Variants in SLC22A15 observed in about 807,000 individuals in gnomAD.
SLC22A15 encodes the protein solute carrier family 22 member 15.
SLC22A15 carries 45 observed loss-of-function variants against 62.7 expected under a neutral mutation model. That is an observed-to-expected ratio of 0.72 (90% confidence interval 0.56 to 0.92). SLC22A15 has a LOEUF of 0.92. Ranked by LOEUF, SLC22A15 falls within the 40% of genes least tolerant of loss-of-function variation. The probability of loss-of-function intolerance (pLI) is 0.00; values close to 1 mark genes in which losing one functional copy is unlikely to be tolerated. For synonymous variants in SLC22A15, 264 were observed against 267.0 expected, an observed-to-expected ratio of 0.99 and a Z score of 0.11; for missense variants, 622 against 665.6, an observed-to-expected ratio of 0.93 and a Z score of 0.72.
intron 9 of SLC22A15, 78 bp downstream of exon 9, chr1:116,062,960 C>G: frequency 6.5e-7 from 1 of 1,537,222 alleles, no homozygotes; most frequent in Non-Finnish European, 8.9e-7. Flanking sequence ...AGGTGTGGTA[C>G]TCATTTCATC....
Position 115,976,726 on chromosome 1 carries a change from C to G in SLC22A15, c.87+12C>G, listed in dbSNP as rs746118804. The G allele has an allele frequency of 9.5e-6, 15 of 1,574,096 alleles. No individual in the cohort carries two copies. The highest frequency in any genetic ancestry group is 8.8e-5 in the Admixed American group (5 of 56,848). ...CCGTGCTGCTGCAGGTAAGTCCCCG[C>G]GGCCCCGCAGCCGCATTTCCCTCTT... On this transcript the variant is annotated intron_variant, in intron 1 of 11. Transcript: ENST00000369503.
chr1:115,990,781 G>A (rs972512974), intron 1 of SLC22A15, among the ~76,000 whole-genome samples: 1 of 151,972 alleles, frequency 6.6e-6, no homozygotes, highest in African/African-American at 2.4e-5. Flanking sequence ...TTTTTGATAC[G>A]GAGTCTTGCT....
intron 8 of SLC22A15, among the ~76,000 whole-genome samples, chr1:116,042,031 A>G (rs1041701265): frequency 2.0e-5 from 3 of 151,982 alleles, no homozygotes; most frequent in African/African-American, 7.2e-5. Context: ...ACTTAACTGC[A>G]TCACGGAACA....
intron 1 of SLC22A15, among the ~76,000 whole-genome samples, chr1:115,986,372 C>T (rs1430943658): frequency 1.3e-5 from 2 of 151,974 alleles, no homozygotes; most frequent in African/African-American, 4.8e-5. Flanking sequence ...CAGGAGGTGA[C>T]AAATCATTGA....
intron 9 of SLC22A15, among the ~76,000 whole-genome samples, chr1:116,063,808 A>G (rs1037457423): frequency 6.6e-6 from 1 of 152,102 alleles, no homozygotes; most frequent in African/African-American, 2.4e-5. Flanking sequence ...CCCTCTACCC[A>G]AAACCATTAA....
chr1:115,980,581 G>A (rs1170012784), intron 1 of SLC22A15, among the ~76,000 whole-genome samples: 1 of 152,122 alleles, frequency 6.6e-6, no homozygotes, highest in African/African-American at 2.4e-5. Flanking sequence ...TGTATACTAT[G>A]TGACACATAT....
At chr1:115,995,502 T>C (rs1028504957) in intron 2 of SLC22A15, among the ~76,000 whole-genome samples, 1 of 152,080 alleles carries the variant, frequency 6.6e-6, no homozygotes, top group South Asian at 2.1e-4. Context: ...CTCCCCTCCT[T>C]AGCCTCCCAA....
chr1:116,035,566 C>T (rs1010696311), intron 7 of SLC22A15, among the ~76,000 whole-genome samples: 4 of 152,010 alleles, frequency 2.6e-5, no homozygotes, highest in African/African-American at 4.8e-5. Flanking sequence ...TATTGAATAT[C>T]GAAATCCAAG....
At chr1:116,038,846 C>T (rs1407368930) in intron 8 of SLC22A15, among the ~76,000 whole-genome samples, 3 of 152,236 alleles carry the variant, frequency 2.0e-5, no homozygotes, top group Middle Eastern at 3.4e-3. Flanking sequence ...AAAAACTTGT[C>T]ACTAGTCCTA....
chr1:116,047,502 G>A (rs1352526532), intron 8 of SLC22A15, among the ~76,000 whole-genome samples: 2 of 152,152 alleles, frequency 1.3e-5, no homozygotes, highest in Admixed American at 1.3e-4. Context: ...ACCTCCACCA[G>A]AACAGGCACT....
intron 1 of SLC22A15, among the ~76,000 whole-genome samples, chr1:115,985,431 T>C (rs529239231): frequency 6.6e-6 from 1 of 152,304 alleles, no homozygotes; most frequent in South Asian, 2.1e-4. Flanking sequence ...TCTCAGAACG[T>C]TTCCCAGTTG....
intron 5 of SLC22A15, among the ~76,000 whole-genome samples, chr1:116,029,783 A>G (rs547064768): frequency 1.3e-5 from 2 of 152,354 alleles, no homozygotes; most frequent in Non-Finnish European, 2.9e-5. Flanking sequence ...GGCTAAGGGT[A>G]GGAGAAAATG....
chr1:115,977,169 G>T (rs1557865402), intron 1 of SLC22A15, among the ~76,000 whole-genome samples: 2 of 152,152 alleles, frequency 1.3e-5, no homozygotes, highest in Non-Finnish European at 2.9e-5. Context: ...GTCTAGGATC[G>T]CCTCCCTCTG....
Position 116,069,619 on chromosome 1 carries a change from T to C in SLC22A15, c.*2511T>C, listed in dbSNP as rs1658572736. The C allele has an allele frequency of 6.6e-6, 1 of 152,176 alleles. No homozygotes were observed. The highest frequency in any genetic ancestry group is 1.5e-5 in the Non-Finnish European group (1 of 68,000). The allele number at this position is 152,176 out of a possible 1,614,324, so 9.4% of individuals were successfully genotyped here. On this transcript the variant is annotated 3_prime_UTR_variant, in exon 12 of 12. Coordinates refer to ENST00000369503, the MANE Select transcript of SLC22A15 (RefSeq NM_018420.3). ...CACAAATATTTTGAAAGAAACCATG[T>C]TGAAATTTTCTGATTTTGTGAGTTA... is the stretch of plus-strand genomic sequence containing the variant.
chr1:116,015,506 A>G (rs1257026413), intron 2 of SLC22A15, among the ~76,000 whole-genome samples: 1 of 152,246 alleles, frequency 6.6e-6, no homozygotes, highest in Non-Finnish European at 1.5e-5. Context: ...ATAGTATTGT[A>G]GCCTTTTCCA....
intron 8 of SLC22A15, among the ~76,000 whole-genome samples, chr1:116,042,517 A>C (rs1425961646): frequency 6.6e-6 from 1 of 152,172 alleles, no homozygotes; most frequent in African/African-American, 2.4e-5. Flanking sequence ...TAAGTGACCT[A>C]CATAAGTGTA....
Position 116,020,764 on chromosome 1 carries a change from C to G in SLC22A15, c.477C>G (p.Ser159=). The stretch of plus-strand genomic sequence containing the variant: ...TATTTGCAATTGCAAATGGATTTTC[C>G]CCCTCATATGAGTTCTTTGCAGTAA... ...DILFAIANGF[S]PSYEFFAVTR... is the part of the protein sequence containing the mutation. Residue 159 remains serine, a synonymous_variant, in exon 4 of 12, where the codon TCC becomes TCG. Coordinates refer to ENST00000369503, the MANE Select transcript of SLC22A15 (RefSeq NM_018420.3). 1.2e-6 allele frequency: 2 copies of G among 1,611,586 alleles called. No individual in the cohort carries two copies. Among genetic ancestry groups the G allele is most frequent in the Non-Finnish European group, 1.7e-6 (2 of 1,178,688 alleles).
intron 1 of SLC22A15, among the ~76,000 whole-genome samples, chr1:115,987,895 A>T (rs182952035): frequency 6.6e-6 from 1 of 152,306 alleles, no homozygotes; most frequent in Non-Finnish European, 1.5e-5. Context: ...AAAAATAAAC[A>T]TTGTACTGAA....
In SLC22A15 at chr1:116,025,188, T is replaced by A. The variant is rs1310984202; in HGVS notation, c.599-1705T>A. On this transcript the variant is annotated intron_variant, in intron 4 of 11. Coordinates refer to ENST00000369503, the MANE Select transcript of SLC22A15 (RefSeq NM_018420.3). ...TAACAGAACTAGGATCTGAACTTGG[T>A]TCCTCTGAAACCATCCCTCCTCTGG... Among the ~76,000 whole-genome samples, 3 of 152,280 alleles carry A rather than the reference T, an allele frequency of 2.0e-5. No individual in the cohort carries two copies. The East Asian group carries it at 5.8e-4, about 29-fold the overall frequency.
Sources: gnomAD v4.1 joint callset for allele counts (sites outside exome capture counted in the v4.1 genomes callset) on GRCh38, gnomAD v4.1.1 for gene constraint, MANE v1.5 for transcripts, NCBI Gene and HGNC (gene_info 2026-07-23, HGNC 2026-07-21) for gene names.